RAB11A: variants seen among roughly 807,000 people sequenced by gnomAD.
RAB11A encodes the protein RAB11A, member RAS oncogene family.
RAB11A carries 9 observed loss-of-function variants against 28.0 expected under a neutral mutation model. The observed-to-expected ratio is 0.32, with a 90% CI of 0.19 to 0.56. The LOEUF is 0.56. Among genes scored for constraint, RAB11A ranks in the 20% least tolerant of loss-of-function variants. The probability of loss-of-function intolerance (pLI) is 0.91; values close to 1 mark genes in which losing one functional copy is unlikely to be tolerated. For missense variants in RAB11A, 108 were observed against 269.6 expected (o/e 0.40, Z 4.20); for synonymous variants, 85 against 88.2 (o/e 0.96, Z 0.20).
chr15:65,878,920 G>C (rs899640077), intron 3 of RAB11A, among the ~76,000 whole-genome samples: 1 of 151,748 alleles, frequency 6.6e-6, no homozygotes, highest in African/African-American at 2.4e-5. Flanking sequence ...GGTGTCATTC[G>C]TCACTAGTGA....
Position 65,877,620 on chromosome 15 carries a change from CTTT to C in RAB11A, c.236+95_236+97del, listed in dbSNP as rs2078197825. The C allele has an allele frequency of 2.2e-6, 3 of 1,390,370 alleles. No homozygotes were observed. The African/African-American group carries it at 4.4e-5, about 20-fold the overall frequency. 86.1% of individuals were successfully genotyped at this position (1,390,370 alleles called of 1,614,324 possible). A position where few individuals can be genotyped will look rare whatever the true frequency, so the allele number is the denominator to read the frequency against. ...TTGGAAAAAGAACTGTTGTTTTTTTCTTTTAAGAATTCTAGTATTAGGAATCCT... is the reference window on the plus strand; with the variant it reads ...TTGGAAAAAGAACTGTTGTTTTTTTCTAAGAATTCTAGTATTAGGAATCCT... On this transcript the variant is annotated intron_variant, in intron 2 of 4. Transcript: ENST00000261890. The surrounding 1 kb of genome is among the most constrained non-coding windows in gnomAD (Gnocchi z 4.1).
chr15:65,877,979 A>G lies in RAB11A; in HGVS notation c.430+24A>G. 1.9e-6 allele frequency: 3 copies of G among 1,581,636 alleles called. No individual in the cohort carries two copies. The highest frequency in any genetic ancestry group is 2.6e-6 in the Non-Finnish European group (3 of 1,150,630). On this transcript the variant is annotated intron_variant, in intron 3 of 4. Transcript: ENST00000261890. The surrounding 1 kb of genome is among the most constrained non-coding windows in gnomAD (Gnocchi z 4.1). ...AGGTTAGTGATAGGAATTCCATGAT[A>G]TTTCTTACCATTGTGTCTTGTGGTT...
At chr15:65,873,512 A>G (rs1365336819) in intron 1 of RAB11A, among the ~76,000 whole-genome samples, 1 of 152,124 alleles carries the variant, frequency 6.6e-6, no homozygotes, top group Admixed American at 6.5e-5. Context: ...AAACTTGTCT[A>G]GACTTGAGCC....
chr15:65,888,409 G>A lies in RAB11A; in HGVS notation c.*569G>A, dbSNP rs1462786197. On this transcript the variant is annotated 3_prime_UTR_variant, in exon 5 of 5. Coordinates refer to ENST00000261890, the MANE Select transcript of RAB11A (RefSeq NM_004663.5). ...AAATTTTGTTTTTTAATTTTTGTAA[G>A]CATCAAAGTTGATTAGAGAGGGGGG... The A allele has an allele frequency of 6.6e-6, 1 of 152,576 alleles. No homozygotes were observed. Among genetic ancestry groups the A allele is most frequent in the East Asian group, 1.9e-4 (1 of 5,194 alleles). The allele number at this position is 152,576 out of a possible 1,614,324, so 9.5% of individuals were successfully genotyped here.
At position 65,887,712 on chromosome 15, in the gene RAB11A, A is replaced by G. The variant is rs1476977752; in HGVS notation, c.523A>G (p.Ile175Val). The G allele has an allele frequency of 2.5e-6, 4 of 1,612,102 alleles. No individual in the cohort carries two copies. The highest frequency in any genetic ancestry group is 3.4e-6 in the Non-Finnish European group (4 of 1,179,174). Reference protein sequence around the residue: ...FQTILTEIYRIVSQKQMSDRR... With the variant: ...FQTILTEIYRVVSQKQMSDRR... Reference sequence around the variant, plus strand: ...CTTTTTTCCTTCAGAGATTTACCGCATTGTTTCTCAGAAGCAAATGTCAGA... The same window carrying G: ...CTTTTTTCCTTCAGAGATTTACCGCGTTGTTTCTCAGAAGCAAATGTCAGA... Residue 175 changes from isoleucine (I) to valine (V), a missense_variant, in exon 5 of 5, where the codon ATT (isoleucine) becomes GTT (valine). By Grantham distance (29) the Ile-to-Val change is conservative. This residue lies in a region of RAB11A where 85 missense variants were observed against 145.9 expected (regional missense o/e 0.58). Coordinates refer to ENST00000261890, the MANE Select transcript of RAB11A (RefSeq NM_004663.5).
Position 65,877,903 on chromosome 15 carries a change from T to C in RAB11A, c.378T>C (p.Ser126=). The part of the protein sequence containing the change: ...NIVIMLVGNK[S]DLRHLRAVPT... ...TTATCATGCTTGTGGGCAATAAGAG[T>C]GATCTACGTCATCTCAGGGCAGTTC... Residue 126 remains serine, a synonymous_variant, in exon 3 of 5, where the codon AGT becomes AGC. Coordinates refer to ENST00000261890, the MANE Select transcript of RAB11A (RefSeq NM_004663.5). This position sits in a 1 kb window ranked among gnomAD's most constrained non-coding sequence, Gnocchi z 4.1. The C allele has an allele frequency of 6.2e-7, 1 of 1,613,950 alleles. No homozygotes were observed.
At chr15:65,887,094 T>C (rs2078260345) in intron 4 of RAB11A, among the ~76,000 whole-genome samples, 1 of 152,204 alleles carries the variant, frequency 6.6e-6, no homozygotes, top group African/African-American at 2.4e-5. Flanking sequence ...TGTTTGTTTT[T>C]TGGGGTAAAG....
intron 4 of RAB11A, among the ~76,000 whole-genome samples, chr15:65,886,631 A>G (rs908484486): frequency 6.6e-6 from 1 of 152,224 alleles, no homozygotes; most frequent in East Asian, 1.9e-4. Context: ...GTCACAGGGA[A>G]CAACTTTTAG....
intron 1 of RAB11A, among the ~76,000 whole-genome samples, chr15:65,873,483 G>T (rs983442754): frequency 6.6e-6 from 1 of 152,112 alleles, no homozygotes; most frequent in Non-Finnish European, 1.5e-5. Flanking sequence ...GAGCAACTCA[G>T]ATTCTGCTGA....
intron 4 of RAB11A, among the ~76,000 whole-genome samples, chr15:65,884,268 A>G (rs1250532281): frequency 1.3e-5 from 2 of 152,190 alleles, no homozygotes; most frequent in Non-Finnish European, 2.9e-5. Flanking sequence ...CAATCAGATG[A>G]GTGGCTAAGG....
intron 4 of RAB11A, among the ~76,000 whole-genome samples, chr15:65,884,478 A>G (rs893069470): frequency 1.4e-4 from 21 of 152,326 alleles, no homozygotes; most frequent in African/African-American, 4.6e-4. Context: ...AAAAACAAAT[A>G]TATGTAAAAC....
intron 4 of RAB11A, among the ~76,000 whole-genome samples, chr15:65,880,591 AT>A (rs1337422210): frequency 1.3e-5 from 2 of 152,134 alleles, no homozygotes; most frequent in Non-Finnish European, 2.9e-5. Context: ...ACAAGTTTTG[AT>A]TTATTGTTTG....
chr15:65,878,664 C>G (rs534714234), intron 3 of RAB11A, among the ~76,000 whole-genome samples: 2 of 152,120 alleles, frequency 1.3e-5, no homozygotes, highest in African/African-American at 4.8e-5. Context: ...GGCGAAAGAG[C>G]GAGACTCCGT....
Position 65,877,303 on chromosome 15 carries a change from A to G in RAB11A, c.41-29A>G, listed in dbSNP as rs2078196647. 6.4e-7 allele frequency: 1 copy of G among 1,565,750 alleles called. No individual in the cohort carries two copies. The highest frequency in any genetic ancestry group is 1.1e-5 in the South Asian group (1 of 87,232). On this transcript the variant is annotated intron_variant, in intron 1 of 4. Coordinates refer to ENST00000261890, the MANE Select transcript of RAB11A (RefSeq NM_004663.5). The surrounding 1 kb of genome is among the most constrained non-coding windows in gnomAD (Gnocchi z 4.1). The stretch of plus-strand genomic sequence containing the variant: ...TGTTCTGAATATGTTTGCCTCATTC[A>G]TCTGACATTGAATTCTTTGTCTTTC...
intron 4 of RAB11A, among the ~76,000 whole-genome samples, chr15:65,885,836 T>C (rs2078252883): frequency 6.6e-6 from 1 of 152,218 alleles, no homozygotes; most frequent in Non-Finnish European, 1.5e-5. Context: ...ACCAGAGAGA[T>C]GACCCACCTC....
intron 1 of RAB11A, 149 bp downstream of exon 1, chr15:65,869,774 C>T (rs772584735): frequency 1.2e-6 from 1 of 809,052 alleles, no homozygotes; most frequent in Non-Finnish European, 1.8e-6. Flanking sequence ...CCCAGCTCAG[C>T]CTCTTCTCCC....
At chr15:65,875,335 A>G (rs767222470) in intron 1 of RAB11A, among the ~76,000 whole-genome samples, 30 of 152,040 alleles carry the variant, frequency 2.0e-4, no homozygotes, top group Non-Finnish European at 1.8e-4. Context: ...TTTCCTTAGC[A>G]AACATCCAGC....
intron 4 of RAB11A, among the ~76,000 whole-genome samples, chr15:65,882,848 C>T (rs1290999254): frequency 6.6e-6 from 1 of 152,072 alleles, no homozygotes; most frequent in African/African-American, 2.4e-5. Flanking sequence ...ATACCTTTTA[C>T]TTTTTTATTT....
At chr15:65,880,909 G>A (rs1036655491) in intron 4 of RAB11A, among the ~76,000 whole-genome samples, 1 of 152,050 alleles carries the variant, frequency 6.6e-6, no homozygotes, top group Non-Finnish European at 1.5e-5. Flanking sequence ...TGACCTAAAG[G>A]TTTTTTGTCT....
Sources: allele counts gnomAD v4.1 joint callset (sites outside exome capture counted in the v4.1 genomes callset), GRCh38; gene constraint gnomAD v4.1.1; regional missense constraint gnomAD v4.1.1; non-coding constraint Gnocchi (gnomAD v3.1); transcripts MANE v1.5; gene names NCBI Gene and HGNC (gene_info 2026-07-23, HGNC 2026-07-21).